Variants in NALF1 observed in about 807,000 individuals in gnomAD.
The protein encoded by NALF1 is family with sequence similarity 155 member A.
Under a neutral mutation model 48.4 loss-of-function variants are expected in NALF1, and 3 were observed. That is an observed-to-expected ratio of 0.06 (90% CI 0.03 to 0.16). The LOEUF (loss-of-function observed/expected upper bound fraction) is 0.16, where lower values mean the gene tolerates loss of function less well. Ranked by LOEUF, NALF1 falls within the 10% of genes least tolerant of loss-of-function variation. The probability of loss-of-function intolerance (pLI) is 1.00; values close to 1 mark genes in which losing one functional copy is unlikely to be tolerated. For synonymous variants in NALF1, 262 were observed against 245.7 expected, an observed-to-expected ratio of 1.07 and a Z score of -0.62; for missense variants, 526 against 571.5, an observed-to-expected ratio of 0.92 and a Z score of 0.81.
rs145556914 is a variant in NALF1, at chr13:107,316,002, C to G, written c.916-105247G>C. On this transcript the variant is annotated intron_variant, in intron 1 of 2. Coordinates refer to ENST00000375915, the MANE Select transcript of NALF1 (RefSeq NM_001080396.3). ...CATGTTGGTGTGCTGCACCCATTAACTTGTCATTTACATTAGGTATATCTC... is the reference window on the plus strand; with the variant it reads ...CATGTTGGTGTGCTGCACCCATTAAGTTGTCATTTACATTAGGTATATCTC... Among the ~76,000 whole-genome samples the G allele has an allele frequency of 3.8e-3, 580 of 152,108 alleles. 3 individuals carry two copies. The highest frequency in any genetic ancestry group is 0.013 in the African/African-American group (557 of 41,494).
At chr13:107,674,282 G>A (rs1263440000) in intron 1 of NALF1, among the ~76,000 whole-genome samples, 1 of 151,976 alleles carries the variant, frequency 6.6e-6, no homozygotes, top group East Asian at 1.9e-4. Flanking sequence ...TCCAAAATCT[G>A]CATTATAGTA....
intron 1 of NALF1, among the ~76,000 whole-genome samples, chr13:107,663,789 C>A (rs1230792727): frequency 6.6e-6 from 1 of 152,178 alleles, no homozygotes; most frequent in Non-Finnish European, 1.5e-5. Context: ...TTGATCCCTT[C>A]TTATTTCATG....
intron 1 of NALF1, among the ~76,000 whole-genome samples, chr13:107,717,629 T>A (rs140369023): frequency 2.6e-4 from 39 of 148,394 alleles, no homozygotes; most frequent in African/African-American, 8.9e-4. Flanking sequence ...AAAAGATGCA[T>A]CAGTCTTAAT....
rs1407401744 is a variant in NALF1 at position 107,164,204 on chromosome 13, C to T, written c.*6293G>A. 1 of 152,128 alleles carries T rather than the reference C, an allele frequency of 6.6e-6. No individual in the cohort carries two copies. Among genetic ancestry groups the T allele is most frequent in the East Asian group, 1.9e-4 (1 of 5,176 alleles). 9.4% of individuals were successfully genotyped at this position (152,128 alleles called of 1,614,324 possible). A position where few individuals can be genotyped will look rare whatever the true frequency, so the allele number is the denominator to read the frequency against. On this transcript the variant is annotated 3_prime_UTR_variant, in exon 3 of 3. Transcript: ENST00000375915. ...TCACTGAAGTTGTAAATTTATTTCA[C>T]TGATCCTTCTCGCCACTGATTCTAT...
chr13:107,320,468 T>G (rs1444281047), intron 1 of NALF1, among the ~76,000 whole-genome samples: 1 of 152,086 alleles, frequency 6.6e-6, no homozygotes, highest in Non-Finnish European at 1.5e-5. Flanking sequence ...TCTTACTTCC[T>G]CACATCAACT....
chr13:107,848,713 C>T (rs1284445980), intron 1 of NALF1, among the ~76,000 whole-genome samples: 3 of 152,146 alleles, frequency 2.0e-5, no homozygotes, highest in African/African-American at 7.2e-5. Flanking sequence ...TGTCCATAGG[C>T]AATTACCTTT....
At chr13:107,694,390 G>GCTCT (rs555123925) in intron 1 of NALF1, among the ~76,000 whole-genome samples, 5 of 150,776 alleles carry the variant, frequency 3.3e-5, no homozygotes, top group Admixed American at 6.6e-5. Flanking sequence ...ATTTGCTTCT[G>GCTCT]CTCTCTCTCT....
intron 1 of NALF1, among the ~76,000 whole-genome samples, chr13:107,852,834 A>T (rs922766999): frequency 2.0e-5 from 3 of 152,210 alleles, no homozygotes; most frequent in African/African-American, 7.2e-5. Context: ...ATACAAAATA[A>T]CCCACAATGG....
At chr13:107,826,919 G>A (rs570893248) in intron 1 of NALF1, among the ~76,000 whole-genome samples, 1 of 152,298 alleles carries the variant, frequency 6.6e-6, no homozygotes, top group South Asian at 2.1e-4. Context: ...CACAGGGTAG[G>A]TCTTAGTTTA....
intron 1 of NALF1, among the ~76,000 whole-genome samples, chr13:107,814,248 G>C (rs1388319822): frequency 6.6e-6 from 1 of 152,088 alleles, no homozygotes; most frequent in Admixed American, 6.6e-5. Flanking sequence ...CTCAGTCAAA[G>C]GTAAGAAGAG....
intron 1 of NALF1, among the ~76,000 whole-genome samples, chr13:107,499,595 T>C (rs976825954): frequency 3.3e-5 from 5 of 152,296 alleles, no homozygotes; most frequent in African/African-American, 1.2e-4. Context: ...ACCACACACA[T>C]GATCTTAAGT....
At chr13:107,473,213 G>T (rs188650735) in intron 1 of NALF1, among the ~76,000 whole-genome samples, 19 of 152,246 alleles carry the variant, frequency 1.2e-4, no homozygotes, top group African/African-American at 4.6e-4. Flanking sequence ...TCTTTTTCAT[G>T]AGTGTAGGTC....
chr13:107,193,818 C>A (rs1879330316), intron 2 of NALF1, among the ~76,000 whole-genome samples: 1 of 152,114 alleles, frequency 6.6e-6, no homozygotes, highest in Admixed American at 6.6e-5. Context: ...CCTGTATCCC[C>A]TGCTGAAATA....
intron 1 of NALF1, among the ~76,000 whole-genome samples, chr13:107,311,912 T>G (rs996823949): frequency 6.6e-6 from 1 of 152,038 alleles, no homozygotes; most frequent in Non-Finnish European, 1.5e-5. Flanking sequence ...CATTAAAAAG[T>G]CAGGAAACAA....
intron 1 of NALF1, among the ~76,000 whole-genome samples, chr13:107,796,914 T>C (rs917678968): frequency 7.2e-5 from 11 of 152,124 alleles, no homozygotes; most frequent in Non-Finnish European, 2.9e-5. Flanking sequence ...TTTACCATAT[T>C]TTACACGTGC....
chr13:107,294,985 C>CTTT (rs5806644), intron 1 of NALF1, among the ~76,000 whole-genome samples: 4 of 151,484 alleles, frequency 2.6e-5, no homozygotes, highest in Non-Finnish European at 4.4e-5. Flanking sequence ...TACTGAATTT[C>CTTT]TTTTTTTTTC....
At chr13:107,668,726 G>A (rs937561162) in intron 1 of NALF1, among the ~76,000 whole-genome samples, 4 of 151,940 alleles carry the variant, frequency 2.6e-5, no homozygotes, top group Admixed American at 2.6e-4. Flanking sequence ...TAGAGTCCAG[G>A]CCTCTCTGCC....
chr13:107,267,537 T>A (rs1881066706), intron 1 of NALF1, among the ~76,000 whole-genome samples: 1 of 152,184 alleles, frequency 6.6e-6, no homozygotes, highest in Admixed American at 6.5e-5. Flanking sequence ...AGACCCTGTC[T>A]ATGCTAAAAA....
intron 1 of NALF1, 117 bp from the exon 2 acceptor site, chr13:107,210,872 A>G (rs1879746831): frequency 3.0e-6 from 2 of 656,580 alleles, no homozygotes; most frequent in Non-Finnish European, 2.6e-6. Flanking sequence ...GAGAGCCCTC[A>G]TTGTGAGAAA....
Sources: allele counts gnomAD v4.1 joint callset (sites outside exome capture counted in the v4.1 genomes callset), GRCh38; gene constraint gnomAD v4.1.1; transcripts MANE v1.5; gene names NCBI Gene and HGNC (gene_info 2026-07-23, HGNC 2026-07-21).